The following WNK2 variants were observed in gnomAD, a reference collection of about 807,000 sequenced individuals.
WNK2 encodes the protein serine/threonine-protein kinase WNK2.
WNK2 carries 67 observed loss-of-function variants against 192.1 expected under a neutral mutation model. The observed-to-expected ratio is 0.35, with a 90% CI of 0.29 to 0.43. WNK2 has a LOEUF of 0.43. WNK2 is among the 20% of genes least tolerant of loss of function. The pLI, the probability that WNK2 is intolerant of heterozygous loss-of-function variation, is 1.00. For synonymous variants in WNK2, 1,439 were observed against 1,393.9 expected, an observed-to-expected ratio of 1.03 and a Z score of -0.72; for missense variants, 2,698 against 3,089.7, an observed-to-expected ratio of 0.87 and a Z score of 3.01.
intron 21 of WNK2, 132 bp downstream of exon 21, chr9:93,290,179 G>C: frequency 2.6e-6 from 2 of 777,372 alleles, no homozygotes; most frequent in South Asian, 3.7e-5. Context: ...CCTTTTATCT[G>C]TAAGGGATCC....
At chr9:93,284,315 G>A (rs1471186372) in intron 19 of WNK2, among the ~76,000 whole-genome samples, 6 of 152,118 alleles carry the variant, frequency 3.9e-5, no homozygotes, top group Admixed American at 3.3e-4. Context: ...AAACAAAATA[G>A]TAGCAAATTA....
At chr9:93,306,926 T>TGTGCCTGCCCC (rs1255118861) in intron 27 of WNK2, 105 bp downstream of exon 27, 20 of 1,413,944 alleles carry the variant, frequency 1.4e-5, no homozygotes, top group African/African-American at 1.1e-4. Flanking sequence ...GGGCCTGCCC[T>TGTGCCTGCCCC]GTGCCTGCCC....
chr9:93,317,325 C>A (rs552267088), intron 28 of WNK2, 195 bp from the exon 29 acceptor site: 240 of 617,424 alleles, frequency 3.9e-4, no homozygotes, highest in Non-Finnish European at 5.8e-4. Context: ...CTTGGGGAAG[C>A]AAACAAGGGA....
In WNK2 at chr9:93,220,983, C is replaced by T. The variant is rs114432794; in HGVS notation, c.682-8713C>T. ...CTGGGCTGCCCACCCATCCCTGCCACGTGGTGACAGCTCCACTAGCATCCC... is the reference window on the plus strand; with the variant it reads ...CTGGGCTGCCCACCCATCCCTGCCATGTGGTGACAGCTCCACTAGCATCCC... On this transcript the variant is annotated intron_variant, in intron 2 of 29. Coordinates refer to ENST00000427277, the MANE Select transcript of WNK2 (RefSeq NM_006648.4). 5.4e-3 allele frequency among the ~76,000 whole-genome samples: 817 copies of T among 152,288 alleles called. 7 individuals are homozygous for T. Among genetic ancestry groups the T allele is most frequent in the African/African-American group, 0.018 (768 of 41,580 alleles).
At chr9:93,309,311 G>A (rs757345749) in intron 28 of WNK2, 27 of 178,620 alleles carry the variant, frequency 1.5e-4, no homozygotes, top group East Asian at 1.9e-4. Flanking sequence ...GACCCACTAC[G>A]TACACTCTAA....
At chr9:93,237,269 C>A (rs546269985) in intron 5 of WNK2, among the ~76,000 whole-genome samples, 34 of 152,176 alleles carry the variant, frequency 2.2e-4, no homozygotes, top group African/African-American at 7.7e-4. Flanking sequence ...TTTTTTATGT[C>A]CCCTTATCTT....
chr9:93,212,951 C>A (rs557473294), intron 2 of WNK2, among the ~76,000 whole-genome samples: 1 of 152,118 alleles, frequency 6.6e-6, no homozygotes, highest in South Asian at 2.1e-4. Flanking sequence ...GAATGTGAAA[C>A]GTCATAGGTG....
intron 21 of WNK2, 49 bp downstream of exon 21, chr9:93,290,096 C>T: frequency 6.6e-7 from 1 of 1,524,108 alleles, no homozygotes; most frequent in Non-Finnish European, 8.9e-7. Flanking sequence ...TGCCTGGCTT[C>T]CTTGCCCCAG....
At chr9:93,299,571 G>A (rs114463371) in intron 25 of WNK2, among the ~76,000 whole-genome samples, 35 of 152,204 alleles carry the variant, frequency 2.3e-4, no homozygotes, top group Admixed American at 1.2e-3. Context: ...GTGCTCCGGC[G>A]CCAGTTCCCA....
At chr9:93,317,715 T>C (rs1216821721) in intron 29 of WNK2, 84 bp downstream of exon 29, 2 of 1,522,800 alleles carry the variant, frequency 1.3e-6, no homozygotes, top group African/African-American at 1.4e-5. Flanking sequence ...TCCAGTGTCC[T>C]GGGGGCCCTG....
At chr9:93,197,220 G>A (rs1237350283) in intron 2 of WNK2, among the ~76,000 whole-genome samples, 1 of 152,198 alleles carries the variant, frequency 6.6e-6, no homozygotes, top group African/African-American at 2.4e-5. Flanking sequence ...TCACCCCTGA[G>A]TACTTCAGCC....
intron 26 of WNK2, among the ~76,000 whole-genome samples, chr9:93,304,034 G>A (rs994885215): frequency 1.8e-4 from 27 of 152,292 alleles, no homozygotes; most frequent in African/African-American, 6.0e-4. Context: ...CAGCTGTCCC[G>A]TGGGCTCCTG....
chr9:93,206,775 C>A (rs1833470641), intron 2 of WNK2, among the ~76,000 whole-genome samples: 1 of 152,130 alleles, frequency 6.6e-6, no homozygotes, highest in South Asian at 2.1e-4. Context: ...AGAATCCAGG[C>A]CTAGAGTGAC....
chr9:93,212,311 G>A (rs1834933522), intron 2 of WNK2, among the ~76,000 whole-genome samples: 1 of 152,212 alleles, frequency 6.6e-6, no homozygotes. Context: ...GCATAGAGTG[G>A]ATTCTGTTGC....
intron 2 of WNK2, among the ~76,000 whole-genome samples, chr9:93,216,680 G>A (rs1170370596): frequency 1.3e-5 from 2 of 151,904 alleles, no homozygotes; most frequent in Non-Finnish European, 2.9e-5. Context: ...TGTGGTATCA[G>A]CTGCTCGGGA....
Position 93,258,998 on chromosome 9 carries a change from T to A in WNK2, c.2450T>A (p.Leu817His). The change falls in exon 12 of 30, where the codon CTC becomes CAC. Residue 817 changes from leucine to histidine, a missense_variant. Around this residue, in one of 7 missense-constraint regions of WNK2, gnomAD observed 893 missense variants for 909.0 expected, o/e 0.98. Transcript: ENST00000427277. ...GGAATCGACGGCCTCCCTCCGGCCC[T>A]CCCAGACCTGCCGACCGCGACTGTG... ...LAGIDGLPPALPDLPTATVPP... is the reference protein window; with the variant it reads ...LAGIDGLPPAHPDLPTATVPP... 1 of 1,611,960 alleles carries A rather than the reference T, an allele frequency of 6.2e-7. No homozygotes were observed. Among genetic ancestry groups the A allele is most frequent in the Non-Finnish European group, 8.5e-7 (1 of 1,179,508 alleles).
Position 93,256,279 on chromosome 9 carries a change from G to C in WNK2, c.2035-20G>C. The C allele has an allele frequency of 6.6e-7, 1 of 1,513,780 alleles. No individual in the cohort carries two copies. Among genetic ancestry groups the C allele is most frequent in the South Asian group, 1.3e-5 (1 of 77,860 alleles). 93.8% of individuals were successfully genotyped at this position (1,513,780 alleles called of 1,614,324 possible). A position where few individuals can be genotyped will look rare whatever the true frequency, so the allele number is the denominator to read the frequency against. Reference sequence around the variant, plus strand: ...GTGGCCGAGAGCTGCTGCTGAGTGTGGCCCTGGTGCTCTCTGCAGCCTGGC... The same window carrying C: ...GTGGCCGAGAGCTGCTGCTGAGTGTCGCCCTGGTGCTCTCTGCAGCCTGGC... On this transcript the variant is annotated intron_variant, in intron 9 of 29. Coordinates refer to ENST00000427277, the MANE Select transcript of WNK2 (RefSeq NM_006648.4).
At chr9:93,304,940 C>T (rs1174328116) in intron 26 of WNK2, among the ~76,000 whole-genome samples, 2 of 152,084 alleles carry the variant, frequency 1.3e-5, no homozygotes, top group Non-Finnish European at 2.9e-5. Context: ...CCGTGGAGGC[C>T]TCCGTGGGCC....
chr9:93,203,520 G>C (rs1163725911), intron 2 of WNK2, among the ~76,000 whole-genome samples: 1 of 152,180 alleles, frequency 6.6e-6, no homozygotes, highest in Non-Finnish European at 1.5e-5. Flanking sequence ...GCGGGGTCCA[G>C]GCCGGGGGCA....
Sources: allele counts gnomAD v4.1 joint callset (sites outside exome capture counted in the v4.1 genomes callset), GRCh38; gene constraint gnomAD v4.1.1; regional missense constraint gnomAD v4.1.1; transcripts MANE v1.5; gene names NCBI Gene and HGNC (gene_info 2026-07-23, HGNC 2026-07-21).